Variants in AMOT observed in about 807,000 individuals in gnomAD.
The protein encoded by AMOT is angiomotin.
Under a neutral mutation model 67.0 loss-of-function variants are expected in AMOT, and 11 were observed. The ratio of observed to expected loss-of-function variants is 0.16; its 90% CI spans 0.10 to 0.27. AMOT has a LOEUF of 0.27. AMOT is among the 10% of genes least tolerant of loss of function. The pLI is 1.00. For synonymous variants in AMOT, 326 were observed against 321.4 expected (o/e 1.01, Z -0.15); for missense variants, 753 against 852.0 (o/e 0.88, Z 1.45).
At chrX:112,821,187 C>A (rs1397730486) in intron 4 of AMOT, among the ~76,000 whole-genome samples, 1 of 111,357 alleles carries the variant, frequency 9.0e-6, no homozygotes, top group African/African-American at 3.3e-5. Context: ...GTACAGGAGA[C>A]AAAGAGGTAG....
intron 6 of AMOT, 84 bp downstream of exon 6, chrX:112,811,165 C>A: frequency 8.7e-7 from 1 of 1,149,367 alleles, no homozygotes; most frequent in East Asian, 3.0e-5. Flanking sequence ...CCCCAAAGAG[C>A]CTAGTTGGAT....
In AMOT at chrX:112,790,788, G is replaced by A. The variant is rs1406792179; in HGVS notation, c.1927-6C>T. Reference sequence around the variant, plus strand: ...GGCTGACAGTTGCCCTGACGCTGTTGGGGCAGATGCAGAGAACCCTCAAGT... The same window carrying A: ...GGCTGACAGTTGCCCTGACGCTGTTAGGGCAGATGCAGAGAACCCTCAAGT... On this transcript the variant is annotated splice_region_variant and splice_polypyrimidine_tract_variant and intron_variant, in intron 9 of 13. Transcript: ENST00000371959. 8.6e-7 allele frequency: 1 copy of A among 1,164,565 alleles called. No homozygotes were observed. The highest frequency in any genetic ancestry group is 1.8e-5 in the African/African-American group (1 of 56,310).
intron 4 of AMOT, among the ~76,000 whole-genome samples, chrX:112,817,364 T>C (rs774021111): frequency 2.7e-5 from 3 of 112,316 alleles, no homozygotes; most frequent in Non-Finnish European, 5.6e-5. Context: ...TTAAAGGATA[T>C]CCATTTAATC....
chrX:112,831,289 T>C (rs1177123090), intron 2 of AMOT, among the ~76,000 whole-genome samples: 1 of 109,679 alleles, frequency 9.1e-6, no homozygotes, highest in Non-Finnish European at 1.9e-5. Context: ...TCTTTGAAGA[T>C]TTTTCCCTAA....
Position 112,811,139 on chromosome X carries a change from C to G in AMOT, c.1537+110G>C. On this transcript the variant is annotated intron_variant, in intron 6 of 13. Transcript: ENST00000371959. ...CATGCCCAGCCATTTACTGCCCATA[C>G]CGGTGGGTTGGACAACCCCAAAGAG... 4.8e-6 allele frequency: 5 copies of G among 1,034,900 alleles called. 1 individual carries two copies. The South Asian group carries it at 1.2e-4, about 24-fold the overall frequency. The allele number at this position is 1,034,900 out of a possible 1,213,427, so 85.3% of individuals were successfully genotyped here.
chrX:112,822,345 T>C lies in AMOT; in HGVS notation c.782A>G (p.His261Arg), dbSNP rs1002127426. 3.4e-5 allele frequency: 39 copies of C among 1,154,265 alleles called. No individual in the cohort carries two copies. The African/African-American group carries it at 6.7e-4, about 20-fold the overall frequency. The part of the protein sequence containing the change: ...SVVCKPQEPG[H>R]FYSEHRLNQP... ...GTTCAGGCGATGCTCACTATAGAAG[T>C]GCCCTGGCTCTTGGGGCTTGCACAC... Residue 261 changes from histidine to arginine, a missense_variant, in exon 4 of 14, where the codon CAC (histidine) becomes CGC (arginine). This residue lies in a region of AMOT where 297 missense variants were observed against 284.3 expected (regional missense o/e 1.04). Coordinates refer to ENST00000371959, the MANE Select transcript of AMOT (RefSeq NM_001113490.2).
In AMOT at chrX:112,778,410, G is replaced by A; in HGVS notation, c.*157C>T. ...ACCAAAATAGACTGGTGTTCACATGGTATTACTCAAGTAGTACATTGTTCC... is the reference window on the plus strand; with the variant it reads ...ACCAAAATAGACTGGTGTTCACATGATATTACTCAAGTAGTACATTGTTCC... On this transcript the variant is annotated 3_prime_UTR_variant, in exon 14 of 14. Transcript: ENST00000371959. 1 of 457,282 alleles carries A rather than the reference G, an allele frequency of 2.2e-6. No individual in the cohort carries two copies. Among genetic ancestry groups the A allele is most frequent in the Admixed American group, 3.2e-5 (1 of 31,675 alleles). The allele number at this position is 457,282 out of a possible 1,213,427, so 37.7% of individuals were successfully genotyped here. A position where few individuals can be genotyped will look rare whatever the true frequency, so the allele number is the denominator to read the frequency against.
At chrX:112,826,446 A>G (rs1191498391) in intron 2 of AMOT, among the ~76,000 whole-genome samples, 1 of 112,715 alleles carries the variant, frequency 8.9e-6, no homozygotes, top group Admixed American at 9.4e-5. Context: ...GTGTCTTTCC[A>G]TCTTGTTTTG....
chrX:112,807,472 G>A (rs1222529508), intron 7 of AMOT, among the ~76,000 whole-genome samples: 3 of 109,860 alleles, frequency 2.7e-5, no homozygotes, highest in Non-Finnish European at 5.7e-5. Context: ...ACCAGACCCC[G>A]AGATAAGGCA....
At chrX:112,805,635 C>T (rs182587542) in intron 7 of AMOT, among the ~76,000 whole-genome samples, 2 of 112,056 alleles carry the variant, frequency 1.8e-5, no homozygotes, top group East Asian at 5.6e-4. Context: ...CAAGTCTACT[C>T]GACAACATGT....
At chrX:112,784,998 C>T (rs780175579) in intron 10 of AMOT, among the ~76,000 whole-genome samples, 7 of 111,727 alleles carry the variant, frequency 6.3e-5, no homozygotes, top group Non-Finnish European at 1.9e-5. Context: ...TAGTGAATTC[C>T]GACAGGGCTG....
rs1462960498 is a variant in AMOT at position 112,776,866 on chromosome X, T to C, written c.*1701A>G. ...ATACATATTCCCTGGACCATGAAGA[T>C]GCCTTTTCATAAAATGGAATTTAAA... On this transcript the variant is annotated 3_prime_UTR_variant, in exon 14 of 14. Coordinates refer to ENST00000371959, the MANE Select transcript of AMOT (RefSeq NM_001113490.2). 1 of 111,885 alleles carries C rather than the reference T, an allele frequency of 8.9e-6. No individual in the cohort carries two copies. The highest frequency in any genetic ancestry group is 1.9e-5 in the Non-Finnish European group (1 of 53,177). The allele number at this position is 111,885 out of a possible 1,213,427, so 9.2% of individuals were successfully genotyped here. A position where few individuals can be genotyped will look rare whatever the true frequency, so the allele number is the denominator to read the frequency against.
At chrX:112,813,833 C>T (rs984729156) in intron 5 of AMOT, among the ~76,000 whole-genome samples, 27 of 111,575 alleles carry the variant, frequency 2.4e-4, no homozygotes, top group African/African-American at 8.5e-4. Flanking sequence ...TTCACCAAAG[C>T]GATGGGGATA....
At chrX:112,816,428 T>C (rs1193724190) in intron 4 of AMOT, among the ~76,000 whole-genome samples, 1 of 111,360 alleles carries the variant, frequency 9.0e-6, no homozygotes, top group Admixed American at 9.6e-5. Context: ...AAAAAACTAT[T>C]CAAGGATTGG....
Position 112,815,637 on chromosome X carries a change from T to C in AMOT, c.1113A>G (p.Gln371=), listed in dbSNP as rs1934525905. ...AHQGDHYRLS[Q]PGLSQQQQQQ... ...GCTGCTGCTGCTGACTCAGGCCAGG[T>C]TGGGAGAGACGGTAATGATCCCCCT... Residue 371 remains glutamine (Q), a synonymous_variant, in exon 5 of 14, where the codon CAA becomes CAG. Coordinates refer to ENST00000371959, the MANE Select transcript of AMOT (RefSeq NM_001113490.2). The C allele has an allele frequency of 4.2e-6, 5 of 1,196,529 alleles. No homozygotes were observed. Among genetic ancestry groups the C allele is most frequent in the East Asian group, 6.1e-5 (2 of 32,777 alleles).
At chrX:112,840,415 C>T in intron 1 of AMOT, 37 bp downstream of exon 1, 1 of 112,678 alleles carries the variant, frequency 8.9e-6, no homozygotes, top group South Asian at 3.7e-4. Context: ...GGATTCCTGC[C>T]CCAGTTCCCC....
At chrX:112,795,760 A>C (rs1374641003) in intron 8 of AMOT, among the ~76,000 whole-genome samples, 1 of 111,056 alleles carries the variant, frequency 9.0e-6, no homozygotes, top group Non-Finnish European at 1.9e-5. Flanking sequence ...TGTTTTACGT[A>C]TTAGGGTTCT....
At chrX:112,831,419 A>T (rs944320397) in intron 2 of AMOT, among the ~76,000 whole-genome samples, 4 of 107,968 alleles carry the variant, frequency 3.7e-5, no homozygotes, top group African/African-American at 1.3e-4. Context: ...GTAGCCAGAC[A>T]TTGTGCTAGG....
rs1351392465 is a variant in AMOT at position 112,781,012 on chromosome X, G to A, written c.2347C>T (p.Arg783Trp). 1.7e-6 allele frequency: 2 copies of A among 1,210,350 alleles called. No individual in the cohort carries two copies. The highest frequency in any genetic ancestry group is 1.7e-5 in the African/African-American group (1 of 57,322). ...PSKTEQLSCM[R>W]PAKSLMSISN... ...ATGGACATCAGAGACTTCGCTGGCC[G>A]CATGCACGACAGCTGCTCTGTCTTG... Residue 783 changes from arginine (R) to tryptophan (W), a missense_variant, in exon 12 of 14, where the codon CGG (arginine) becomes TGG (tryptophan). Transcript: ENST00000371959.
Sources: allele counts gnomAD v4.1 joint callset (sites outside exome capture counted in the v4.1 genomes callset), GRCh38; gene constraint gnomAD v4.1.1; regional missense constraint gnomAD v4.1.1; transcripts MANE v1.5; gene names NCBI Gene and HGNC (gene_info 2026-07-23, HGNC 2026-07-21).